ADAMTSL1: variants seen among roughly 807,000 people sequenced by gnomAD.
ADAMTSL1 encodes the protein ADAMTS like 1.
In ADAMTSL1, 126 loss-of-function variants were observed where a neutral mutation model predicts 201.8. The observed-to-expected ratio is 0.62, with a 90% CI of 0.54 to 0.72. The LOEUF (loss-of-function observed/expected upper bound fraction) is 0.72. ADAMTSL1 is among the 30% of genes least tolerant of loss of function. ADAMTSL1 has a pLI of 0.00. For missense variants in ADAMTSL1, 2,679 were observed against 2,277.8 expected, an observed-to-expected ratio of 1.18 and a Z score of -3.59; for synonymous variants, 1,121 against 903.4, an observed-to-expected ratio of 1.24 and a Z score of -4.32.
chr9:18,354,822 T>G (rs1836137115), intron 2 of ADAMTSL1, among the ~76,000 whole-genome samples: 1 of 151,946 alleles, frequency 6.6e-6, no homozygotes, highest in Non-Finnish European at 1.5e-5. Flanking sequence ...AATAGAAAAA[T>G]TAGCTGGACA....
intron 1 of ADAMTSL1, among the ~76,000 whole-genome samples, chr9:18,132,859 G>A (rs1427497106): frequency 6.6e-6 from 1 of 152,102 alleles, no homozygotes; most frequent in Non-Finnish European, 1.5e-5. Context: ...TAGTTATTTG[G>A]ATTATAACAT....
intron 3 of ADAMTSL1, among the ~76,000 whole-genome samples, chr9:18,566,802 G>A (rs1469356590): frequency 6.6e-6 from 1 of 152,118 alleles, no homozygotes; most frequent in East Asian, 1.9e-4. Context: ...CCACTGTGCT[G>A]ACAAAACTTT....
intron 9 of ADAMTSL1, among the ~76,000 whole-genome samples, chr9:18,672,756 C>G (rs1166877686): frequency 6.6e-6 from 1 of 152,128 alleles, no homozygotes; most frequent in Non-Finnish European, 1.5e-5. Context: ...ATAAACTTGT[C>G]ATAACACTGA....
At chr9:18,501,503 C>CAAAA (rs397894789) in intron 1 of ADAMTSL1, among the ~76,000 whole-genome samples, 3 of 93,066 alleles carry the variant, frequency 3.2e-5, no homozygotes, top group African/African-American at 1.5e-4. Context: ...GACACGGTCT[C>CAAAA]AAAAAAAAAA....
intron 26 of ADAMTSL1, among the ~76,000 whole-genome samples, chr9:18,893,166 T>C (rs1829398425): frequency 6.6e-6 from 1 of 152,056 alleles, no homozygotes; most frequent in South Asian, 2.1e-4. Context: ...GAGCTCCCTT[T>C]GCCAGGGGGA....
chr9:18,825,596 T>A (rs900251066), intron 21 of ADAMTSL1, among the ~76,000 whole-genome samples: 1 of 152,152 alleles, frequency 6.6e-6, no homozygotes, highest in Non-Finnish European at 1.5e-5. Context: ...TTAAAATATA[T>A]CTATACAGAA....
At chr9:18,175,924 T>C (rs1297496901) in intron 2 of ADAMTSL1, among the ~76,000 whole-genome samples, 1 of 149,918 alleles carries the variant, frequency 6.7e-6, no homozygotes, top group African/African-American at 2.5e-5. Flanking sequence ...AGAAGGGAAT[T>C]TTAGTCCAAG....
At chr9:18,506,320 A>G (rs1338070134) in intron 2 of ADAMTSL1, among the ~76,000 whole-genome samples, 3 of 152,258 alleles carry the variant, frequency 2.0e-5, no homozygotes, top group African/African-American at 7.2e-5. Flanking sequence ...TTCATACATC[A>G]GTAAAGCCAA....
intron 1 of ADAMTSL1, among the ~76,000 whole-genome samples, chr9:18,028,924 T>G (rs1414475094): frequency 6.6e-6 from 1 of 152,198 alleles, no homozygotes; most frequent in Non-Finnish European, 1.5e-5. Flanking sequence ...GTTTGTGTCG[T>G]CTTTGATTTC....
At chr9:18,474,072 C>CCAAA, upstream of ADAMTSL1, 1 of 554,460 alleles carries the variant, frequency 1.8e-6, no homozygotes, top group Non-Finnish European at 3.2e-6. Flanking sequence ...TACCCCCCAC[C>CCAAA]CATCCACCCA....
chr9:18,326,371 C>G (rs569000797), intron 2 of ADAMTSL1, among the ~76,000 whole-genome samples: 7 of 150,750 alleles, frequency 4.6e-5, no homozygotes, highest in Non-Finnish European at 7.4e-5. Flanking sequence ...TATTTTTTAT[C>G]AAAATTCATC....
chr9:18,463,052 C>A (rs1587285243), intron 2 of ADAMTSL1, among the ~76,000 whole-genome samples: 1 of 152,084 alleles, frequency 6.6e-6, no homozygotes, highest in Non-Finnish European at 1.5e-5. Context: ...CAGACTCATA[C>A]CCATCTAAGC....
At chr9:18,687,512 T>C (rs1337140517) in intron 13 of ADAMTSL1, among the ~76,000 whole-genome samples, 1 of 152,248 alleles carries the variant, frequency 6.6e-6, no homozygotes, top group African/African-American at 2.4e-5. Flanking sequence ...AACTATTATC[T>C]CTTGCTTTGG....
chr9:18,666,782 C>T (rs1332708), intron 9 of ADAMTSL1, among the ~76,000 whole-genome samples: 21,506 of 151,996 alleles, frequency 0.14, 1,743 homozygotes, highest in East Asian at 0.3. Flanking sequence ...TAGCATGAAT[C>T]CAGCTAATAA....
chr9:18,692,507 A>G (rs2133250631), intron 13 of ADAMTSL1, among the ~76,000 whole-genome samples: 1 of 152,310 alleles, frequency 6.6e-6, no homozygotes, highest in Non-Finnish European at 1.5e-5. Flanking sequence ...TGACAAAGAC[A>G]AATTAATGGG....
rs10673652 is a variant in ADAMTSL1, at chr9:18,503,421, G to GTATATATATATATATATA, written c.64-1405_64-1388dup. Among the ~76,000 whole-genome samples, 101 of 115,254 alleles carry GTATATATATATATATATA rather than the reference G, an allele frequency of 8.8e-4. 2 individuals are homozygous for GTATATATATATATATATA. The highest frequency in any genetic ancestry group is 3.0e-3 in the African/African-American group (98 of 32,558). 75.6% of individuals were successfully genotyped at this position (115,254 alleles called of 152,430 possible). ...TTAAGGCTGAATAGTATTCCATTGTGTATATATATATATATATATACCACA... is the reference window on the plus strand; with the variant it reads ...TTAAGGCTGAATAGTATTCCATTGTGTATATATATATATATATATATATATATATATATATATACCACA... On this transcript the variant is annotated intron_variant, in intron 1 of 28. Transcript: ENST00000380548.
At chr9:18,774,160 C>T (rs550892580) in intron 17 of ADAMTSL1, among the ~76,000 whole-genome samples, 2 of 152,232 alleles carry the variant, frequency 1.3e-5, no homozygotes, top group South Asian at 2.1e-4. Context: ...CCTCCTTCCC[C>T]GATGCCCTGC....
At chr9:18,457,660 C>T (rs533015656) in intron 2 of ADAMTSL1, among the ~76,000 whole-genome samples, 1 of 152,226 alleles carries the variant, frequency 6.6e-6, no homozygotes, top group South Asian at 2.1e-4. Flanking sequence ...GAGGTGTTTC[C>T]ACTTCCAGAA....
intron 2 of ADAMTSL1, among the ~76,000 whole-genome samples, chr9:18,170,426 A>G (rs1296736772): frequency 6.6e-6 from 1 of 152,068 alleles, no homozygotes; most frequent in Non-Finnish European, 1.5e-5. Context: ...TGGAATAAAT[A>G]TCTTGGAGAA....
Sources: allele counts gnomAD v4.1 joint callset (sites outside exome capture counted in the v4.1 genomes callset), GRCh38; gene constraint gnomAD v4.1.1; transcripts MANE v1.5; gene names NCBI Gene and HGNC (gene_info 2026-07-23, HGNC 2026-07-21).